PTP4A3: variants seen among roughly 807,000 people sequenced by gnomAD.
PTP4A3 encodes protein tyrosine phosphatase type IVA 3.
PTP4A3 carries 9 observed loss-of-function variants against 15.2 expected under a neutral mutation model. The observed-to-expected ratio is 0.59, with a 90% CI of 0.36 to 1.03. The LOEUF (loss-of-function observed/expected upper bound fraction) is 1.03. Ranked by LOEUF, PTP4A3 falls within the 50% of genes least tolerant of loss-of-function variation. The probability of loss-of-function intolerance (pLI) is 0.02; values close to 1 mark genes in which losing one functional copy is unlikely to be tolerated. For synonymous variants in PTP4A3, 95 were observed against 102.0 expected (o/e 0.93, Z 0.41); for missense variants, 234 against 252.1 (o/e 0.93, Z 0.49).
chr8:141,393,567 G>GC (rs1832355375), intron 1 of PTP4A3, among the ~76,000 whole-genome samples: 1 of 152,364 alleles, frequency 6.6e-6, no homozygotes, highest in East Asian at 1.9e-4. Flanking sequence ...TTGCGGACAG[G>GC]CCCCCGCAGG....
chr8:141,394,864 C>T (rs373250501), intron 1 of PTP4A3, among the ~76,000 whole-genome samples: 18 of 152,342 alleles, frequency 1.2e-4, no homozygotes, highest in African/African-American at 3.4e-4. Context: ...CGCACAGTTA[C>T]GTGGTCGGGT....
At chr8:141,404,203 A>AT (rs972017248) in intron 1 of PTP4A3, among the ~76,000 whole-genome samples, 29 of 152,064 alleles carry the variant, frequency 1.9e-4, no homozygotes, top group African/African-American at 5.6e-4. Flanking sequence ...AAGGGAAGCG[A>AT]TTTTTTTTTC....
intron 1 of PTP4A3, among the ~76,000 whole-genome samples, chr8:141,407,800 C>G (rs1563727727): frequency 6.6e-6 from 1 of 152,202 alleles, no homozygotes. Flanking sequence ...CTCCTGACCT[C>G]AAGTGATCCA....
chr8:141,394,009 A>G (rs1186800876), intron 1 of PTP4A3, among the ~76,000 whole-genome samples: 1 of 152,146 alleles, frequency 6.6e-6, no homozygotes, highest in African/African-American at 2.4e-5. Context: ...CTGGCTGAGG[A>G]CTTGGGCAGA....
intron 2 of PTP4A3, among the ~76,000 whole-genome samples, chr8:141,422,838 G>A (rs1056341957): frequency 1.3e-5 from 2 of 152,164 alleles, no homozygotes; most frequent in Admixed American, 6.5e-5. Context: ...AGGAGGGAGG[G>A]ACCACTGTGC....
intron 2 of PTP4A3, 57 bp from the exon 3 acceptor site, chr8:141,424,991 C>A: frequency 6.9e-7 from 1 of 1,448,734 alleles, no homozygotes; most frequent in Non-Finnish European, 9.6e-7. Flanking sequence ...GTGGGTCCTG[C>A]CCCCTGAGCC....
chr8:141,398,553 C>T (rs1194154369), intron 1 of PTP4A3, among the ~76,000 whole-genome samples: 2 of 151,986 alleles, frequency 1.3e-5, no homozygotes, highest in African/African-American at 4.8e-5. Flanking sequence ...GGGGTGGGGT[C>T]CTGGAAATAG....
At position 141,419,440 on chromosome 8, in the gene PTP4A3, C is replaced by T. The variant is rs1341507310; in HGVS notation, c.-853-1948C>T. Among the ~76,000 whole-genome samples, 6 of 152,226 alleles carry T rather than the reference C, an allele frequency of 3.9e-5. No individual in the cohort carries two copies. In the East Asian group the frequency reaches 5.8e-4, roughly 15 times the overall value. ...CCCAGGTGTTTGTGTGCTGTTAGCA[C>T]GTGGTGGCTTCCCTCACCCACACTC... On this transcript the variant is annotated intron_variant, in intron 1 of 5. Transcript: ENST00000521578.
At chr8:141,420,527 GC>G (rs1182596148) in intron 1 of PTP4A3, among the ~76,000 whole-genome samples, 1 of 152,104 alleles carries the variant, frequency 6.6e-6, no homozygotes, top group Non-Finnish European at 1.5e-5. Context: ...GGTTGCTGTG[GC>G]CCCCCCTGCC....
chr8:141,393,157 C>T (rs1832340187), intron 1 of PTP4A3, among the ~76,000 whole-genome samples: 1 of 152,194 alleles, frequency 6.6e-6, no homozygotes, highest in African/African-American at 2.4e-5. Flanking sequence ...TGAGTTCCTG[C>T]AATCCTCCCA....
Position 141,425,197 on chromosome 8 carries a change from G to A in PTP4A3, c.198+57G>A, listed in dbSNP as rs939565687. The A allele has an allele frequency of 3.4e-6, 4 of 1,182,528 alleles. No individual in the cohort carries two copies. Among genetic ancestry groups the A allele is most frequent in the South Asian group, 1.3e-5 (1 of 79,446 alleles). The allele number at this position is 1,182,528 out of a possible 1,614,324, so 73.3% of individuals were successfully genotyped here. On this transcript the variant is annotated intron_variant, in intron 3 of 5. Coordinates refer to ENST00000521578, the MANE Select transcript of PTP4A3 (RefSeq NM_032611.3). The surrounding 1 kb of genome is among the most constrained non-coding windows in gnomAD (Gnocchi z 4.2). ...TGCTGCCACCGGGGGAGGGTGGGGC[G>A]GGGGGCTCCGGGCCTGCGCAGAGGG...
intron 1 of PTP4A3, among the ~76,000 whole-genome samples, chr8:141,419,593 C>T (rs1305250916): frequency 7.1e-5 from 9 of 126,486 alleles, no homozygotes; most frequent in Non-Finnish European, 1.2e-4. Flanking sequence ...TTTTTTGAGA[C>T]GGAGTTTTGC....
chr8:141,392,056 C>A lies in PTP4A3; in HGVS notation c.-882C>A, dbSNP rs1237655995. On this transcript the variant is annotated 5_prime_UTR_variant, in exon 1 of 6. Coordinates refer to ENST00000521578, the MANE Select transcript of PTP4A3 (RefSeq NM_032611.3). ...GCGCGCGCGTCCCGAGCCCTCCACCCGTCGTGCCGGCGCCGCCCGGACCGC... is the reference window on the plus strand; with the variant it reads ...GCGCGCGCGTCCCGAGCCCTCCACCAGTCGTGCCGGCGCCGCCCGGACCGC... The A allele has an allele frequency of 2.0e-5, 3 of 147,074 alleles. No homozygotes were observed. Among genetic ancestry groups the A allele is most frequent in the African/African-American group, 7.3e-5 (3 of 41,030 alleles). The allele number at this position is 147,074 out of a possible 1,614,324, so 9.1% of individuals were successfully genotyped here.
At chr8:141,395,193 T>A (rs1832412526) in intron 1 of PTP4A3, among the ~76,000 whole-genome samples, 1 of 151,892 alleles carries the variant, frequency 6.6e-6, no homozygotes, top group Admixed American at 6.5e-5. Context: ...CAGTAGGCGT[T>A]CACCTGGCAG....
chr8:141,394,835 A>G (rs1355636626), intron 1 of PTP4A3, among the ~76,000 whole-genome samples: 2 of 152,208 alleles, frequency 1.3e-5, no homozygotes, highest in Non-Finnish European at 2.9e-5. Flanking sequence ...TGTGGGCTGC[A>G]GGAGGAGGTA....
intron 1 of PTP4A3, among the ~76,000 whole-genome samples, chr8:141,393,559 G>T (rs1001472827): frequency 2.0e-5 from 3 of 152,220 alleles, no homozygotes; most frequent in Non-Finnish European, 2.9e-5. Flanking sequence ...GGGGCAGGTT[G>T]CGGACAGGCC....
rs571742056 is a variant in PTP4A3, at chr8:141,422,320, A to C, written c.80A>C (p.Asn27Thr). 8 of 1,613,410 alleles carry C rather than the reference A, an allele frequency of 5.0e-6. No homozygotes were observed. In the African/African-American group the frequency reaches 1.1e-4, roughly 22 times the overall value. ...MRFLITHNPTNATLSTFIEDL... is the reference protein window; with the variant it reads ...MRFLITHNPTTATLSTFIEDL... ...TTCCTCATCACCCACAACCCCACCA[A>C]CGCCACGCTCAGCACCTTCATTGAG... is the stretch of plus-strand genomic sequence containing the variant. Residue 27 changes from asparagine to threonine, a missense_variant, in exon 2 of 6, where the codon AAC becomes ACC. Transcript: ENST00000521578.
At chr8:141,400,242 C>A (rs867169924) in intron 1 of PTP4A3, among the ~76,000 whole-genome samples, 1 of 151,532 alleles carries the variant, frequency 6.6e-6, no homozygotes, top group Non-Finnish European at 1.5e-5. Context: ...CTGCGCCTGG[C>A]CCGCCTCTGC....
Position 141,421,923 on chromosome 8 carries a change from A to G in PTP4A3, c.-318A>G. 1 of 371,546 alleles carries G rather than the reference A, an allele frequency of 2.7e-6. No homozygotes were observed. The allele number at this position is 371,546 out of a possible 1,614,324, so 23.0% of individuals were successfully genotyped here. On this transcript the variant is annotated 5_prime_UTR_variant, in exon 2 of 6. The change abolishes the stop of an existing upstream ORF in the 5' untranslated region. Coordinates refer to ENST00000521578, the MANE Select transcript of PTP4A3 (RefSeq NM_032611.3). ...GCCTCTTTATGACTATCCAGCTCTG[A>G]GAGACGGGAGTTTGGAGTTGCCCGC...
Sources: allele counts gnomAD v4.1 joint callset (sites outside exome capture counted in the v4.1 genomes callset), GRCh38; gene constraint gnomAD v4.1.1; non-coding constraint Gnocchi (gnomAD v3.1); transcripts MANE v1.5; gene names NCBI Gene and HGNC (gene_info 2026-07-23, HGNC 2026-07-21).